Variants in SHROOM3 observed in about 807,000 individuals in gnomAD.
SHROOM3 encodes shroom family member 3.
SHROOM3 carries 47 observed loss-of-function variants against 138.6 expected under a neutral mutation model. The observed-to-expected ratio is 0.34, with a 90% confidence interval of 0.27 to 0.43. SHROOM3 has a LOEUF of 0.43. Ranked by LOEUF, SHROOM3 falls within the 20% of genes least tolerant of loss-of-function variation. SHROOM3 has a pLI of 1.00. For missense variants in SHROOM3, 2,491 were observed against 2,596.5 expected (o/e 0.96, Z 0.88); for synonymous variants, 1,062 against 1,063.3 (o/e 1.00, Z 0.02).
At chr4:76,635,100 T>C (rs926224590) in intron 2 of SHROOM3, among the ~76,000 whole-genome samples, 1 of 152,150 alleles carries the variant, frequency 6.6e-6, no homozygotes. Flanking sequence ...TAAGCTGATA[T>C]TATCATCTTA....
intron 8 of SHROOM3, 111 bp from the exon 9 acceptor site, chr4:76,759,434 G>A (rs1721924070): frequency 7.1e-7 from 1 of 1,411,328 alleles, no homozygotes; most frequent in Middle Eastern, 2.4e-4. Flanking sequence ...TAATTTCTGG[G>A]AAAGAAATTA....
chr4:76,740,257 G>A lies in SHROOM3; in HGVS notation c.2084G>A (p.Cys695Tyr), dbSNP rs1361477385. 6.2e-7 allele frequency: 1 copy of A among 1,613,148 alleles called. No individual in the cohort carries two copies. Among genetic ancestry groups the A allele is most frequent in the Non-Finnish European group, 8.5e-7 (1 of 1,180,046 alleles). ...QEGYPGGRPTCAVNTKAEDPG... is the reference protein window; with the variant it reads ...QEGYPGGRPTYAVNTKAEDPG... The stretch of plus-strand genomic sequence containing the variant: ...GGTTACCCCGGGGGCAGGCCCACCT[G>A]TGCAGTCAACACCAAGGCAGAAGAC... Residue 695 changes from cysteine (C) to tyrosine (Y), a missense_variant, in exon 5 of 11, where the codon TGT (cysteine) becomes TAT (tyrosine). Cys to Tyr is a radical substitution (Grantham distance 194). Around this residue, in one of 4 missense-constraint regions of SHROOM3, gnomAD observed 1,733 missense variants for 1,661.6 expected, o/e 1.04. Coordinates refer to ENST00000296043, the MANE Select transcript of SHROOM3 (RefSeq NM_020859.4). This position sits in a 1 kb window ranked among gnomAD's most constrained non-coding sequence, Gnocchi z 4.0.
intron 2 of SHROOM3, among the ~76,000 whole-genome samples, chr4:76,617,103 G>A (rs1734899279): frequency 6.6e-6 from 1 of 152,234 alleles, no homozygotes; most frequent in Non-Finnish European, 1.5e-5. Flanking sequence ...GAAGAGCCTG[G>A]TGAAGAGCAC....
intron 1 of SHROOM3, among the ~76,000 whole-genome samples, chr4:76,551,230 T>C (rs1258450984): frequency 1.3e-5 from 2 of 151,976 alleles, no homozygotes; most frequent in African/African-American, 2.4e-5. Context: ...ATACAAAAGG[T>C]TAAAGAAATA....
intron 2 of SHROOM3, among the ~76,000 whole-genome samples, chr4:76,595,659 T>C (rs1734365829): frequency 1.3e-5 from 2 of 152,200 alleles, no homozygotes; most frequent in Admixed American, 1.3e-4. Flanking sequence ...CACTAGTAAC[T>C]GGCAGGGAGT....
intron 2 of SHROOM3, among the ~76,000 whole-genome samples, chr4:76,598,658 G>A (rs900980610): frequency 6.6e-6 from 1 of 152,198 alleles, no homozygotes; most frequent in African/African-American, 2.4e-5. Flanking sequence ...TGGTGCAGCT[G>A]TATCCACCTG....
chr4:76,689,725 C>T (rs1395912328), intron 2 of SHROOM3: 1 of 985,610 alleles, frequency 1.0e-6, no homozygotes, highest in Non-Finnish European at 1.2e-6. Context: ...GGCGGCTGGG[C>T]ACGGAGAGGG....
At chr4:76,641,469 C>G (rs1735666830) in intron 2 of SHROOM3, among the ~76,000 whole-genome samples, 1 of 152,100 alleles carries the variant, frequency 6.6e-6, no homozygotes, top group South Asian at 2.1e-4. Flanking sequence ...GGAAGGAAGC[C>G]TTTGTGTACT....
intron 1 of SHROOM3, among the ~76,000 whole-genome samples, chr4:76,513,875 G>A (rs1470698543): frequency 2.0e-5 from 3 of 152,058 alleles, no homozygotes; most frequent in African/African-American, 4.8e-5. Context: ...AATGACATAC[G>A]TTTTATAGTC....
rs114234900 is a variant in SHROOM3 at position 76,489,163 on chromosome 4, C to A, written c.168+52943C>A. On this transcript the variant is annotated intron_variant, in intron 1 of 10. Coordinates refer to ENST00000296043, the MANE Select transcript of SHROOM3 (RefSeq NM_020859.4). ...GAATAATTTCAGACGGCAAAAGAAG[C>A]CCAGTCATGTGAAATTCCTTTGTGG... Among the ~76,000 whole-genome samples, 1,118 of 152,272 alleles carry A rather than the reference C, an allele frequency of 7.3e-3. 13 individuals are homozygous for A. Among genetic ancestry groups the A allele is most frequent in the African/African-American group, 0.026 (1,069 of 41,544 alleles).
chr4:76,437,106 C>G (rs1477030266), intron 1 of SHROOM3, among the ~76,000 whole-genome samples: 2 of 152,086 alleles, frequency 1.3e-5, no homozygotes, highest in Non-Finnish European at 2.9e-5. Context: ...TTCATATCCC[C>G]AGAAATAATT....
intron 2 of SHROOM3, among the ~76,000 whole-genome samples, chr4:76,585,507 T>C (rs1734134408): frequency 6.6e-6 from 1 of 152,174 alleles, no homozygotes; most frequent in African/African-American, 2.4e-5. Flanking sequence ...GCACTACTTA[T>C]CCATACAGCT....
intron 2 of SHROOM3, among the ~76,000 whole-genome samples, chr4:76,703,788 C>T (rs1048462108): frequency 6.6e-6 from 1 of 152,200 alleles, no homozygotes; most frequent in Non-Finnish European, 1.5e-5. Context: ...TGAGTGTACA[C>T]ACCCAACATA....
In SHROOM3 at chr4:76,759,701, T is replaced by G; in HGVS notation, c.5349+6T>G. ...CAGATGTCAATGAAAAGAAGGTAAA[T>G]AAAGAATGGGATGCCCTTGTTCAGC... is the stretch of plus-strand genomic sequence containing the variant. On this transcript the variant is annotated splice_donor_region_variant and intron_variant, in intron 9 of 10. Transcript: ENST00000296043. The G allele has an allele frequency of 6.2e-7, 1 of 1,612,898 alleles. No individual in the cohort carries two copies. Among genetic ancestry groups the G allele is most frequent in the Non-Finnish European group, 8.5e-7 (1 of 1,179,444 alleles).
At chr4:76,579,723 T>G (rs1167968803) in intron 2 of SHROOM3, among the ~76,000 whole-genome samples, 1 of 152,226 alleles carries the variant, frequency 6.6e-6, no homozygotes, top group Admixed American at 6.5e-5. Context: ...TTACTCCACC[T>G]GCCTGGTCTA....
chr4:76,480,221 G>T (rs1386235333), intron 1 of SHROOM3, among the ~76,000 whole-genome samples: 1 of 152,202 alleles, frequency 6.6e-6, no homozygotes, highest in Non-Finnish European at 1.5e-5. Flanking sequence ...AGACCCATCG[G>T]TGTGCTGTAT....
At chr4:76,484,650 C>T (rs77134150) in intron 1 of SHROOM3, among the ~76,000 whole-genome samples, 1,688 of 152,252 alleles carry the variant, frequency 0.011, 15 homozygotes, top group Middle Eastern at 0.048. Context: ...GCGGAAGCAG[C>T]CTTTTGACTT....
chr4:76,667,309 T>C (rs1173060013), intron 2 of SHROOM3, among the ~76,000 whole-genome samples: 1 of 152,068 alleles, frequency 6.6e-6, no homozygotes, highest in African/African-American at 2.4e-5. Flanking sequence ...ATGTAGGCTG[T>C]TTTTTCTTTT....
Position 76,740,109 on chromosome 4 carries a change from G to C in SHROOM3, c.1936G>C (p.Gly646Arg). 6.2e-7 allele frequency: 1 copy of C among 1,613,778 alleles called. No individual in the cohort carries two copies. Among genetic ancestry groups the C allele is most frequent in the Non-Finnish European group, 8.5e-7 (1 of 1,180,040 alleles). The change falls in exon 5 of 11, where the codon GGC becomes CGC. Residue 646 changes from glycine (G) to arginine (R), a missense_variant. Coordinates refer to ENST00000296043, the MANE Select transcript of SHROOM3 (RefSeq NM_020859.4). The surrounding 1 kb of genome is among the most constrained non-coding windows in gnomAD (Gnocchi z 4.0). Reference sequence around the variant, plus strand: ...CCTCTGGAGGAGGCTGGAGAGAGAAGGCCTAGGCCAGAGCCTGTCAGGCAA... The same window carrying C: ...CCTCTGGAGGAGGCTGGAGAGAGAACGCCTAGGCCAGAGCCTGTCAGGCAA... ...ANLWRRLEREGLGQSLSGNFG... is the reference protein window; with the variant it reads ...ANLWRRLERERLGQSLSGNFG...
Sources: gnomAD v4.1 joint callset for allele counts (sites outside exome capture counted in the v4.1 genomes callset) on GRCh38, gnomAD v4.1.1 for gene constraint, gnomAD v4.1.1 regional missense constraint, Gnocchi (gnomAD v3.1) non-coding constraint, MANE v1.5 for transcripts, NCBI Gene and HGNC (gene_info 2026-07-23, HGNC 2026-07-21) for gene names.